Variants in GALNT2 observed in about 807,000 individuals in gnomAD.
GALNT2 encodes the protein polypeptide N-acetylgalactosaminyltransferase 2.
In GALNT2, 31 loss-of-function variants were observed where a neutral mutation model predicts 81.4. The ratio of observed to expected loss-of-function variants is 0.38; its 90% CI spans 0.29 to 0.51. GALNT2 has a LOEUF of 0.51. GALNT2 is among the 20% of genes least tolerant of loss of function. GALNT2 has a pLI of 0.87. For synonymous variants in GALNT2, 303 were observed against 287.4 expected, an observed-to-expected ratio of 1.05 and a Z score of -0.55; for missense variants, 629 against 765.7, an observed-to-expected ratio of 0.82 and a Z score of 2.11.
intron 1 of GALNT2, among the ~76,000 whole-genome samples, chr1:230,171,128 G>A (rs910767749): frequency 6.6e-6 from 1 of 152,192 alleles, no homozygotes; most frequent in East Asian, 1.9e-4. Flanking sequence ...CTGGTGGAAC[G>A]CCAACCTTGA....
Position 230,136,898 on chromosome 1 carries a change from C to T in GALNT2, c.127-41320C>T, listed in dbSNP as rs371403502. On this transcript the variant is annotated intron_variant, in intron 1 of 15. Transcript: ENST00000366672. ...GGCCGTCTGTGCATTTTGCTTTTCC[C>T]GCAGTTCAGCCGGGACTCTGCTTCA... Among the ~76,000 whole-genome samples, 52 of 152,322 alleles carry T rather than the reference C, an allele frequency of 3.4e-4. No homozygotes were observed. In the East Asian group the frequency reaches 5.2e-3, roughly 15 times the overall value.
intron 14 of GALNT2, among the ~76,000 whole-genome samples, chr1:230,267,164 T>G (rs1400842606): frequency 6.6e-6 from 1 of 152,262 alleles, no homozygotes; most frequent in Non-Finnish European, 1.5e-5. Flanking sequence ...GCAGAGCTTG[T>G]TTTGCTCTCT....
intron 1 of GALNT2, among the ~76,000 whole-genome samples, chr1:230,090,916 A>G (rs2102765738): frequency 6.6e-6 from 1 of 152,260 alleles, no homozygotes; most frequent in Admixed American, 6.5e-5. Context: ...AGTTCCATCT[A>G]GGAGTTATCA....
intron 1 of GALNT2, among the ~76,000 whole-genome samples, chr1:230,162,057 C>G (rs1490987445): frequency 6.6e-6 from 1 of 152,086 alleles, no homozygotes; most frequent in Non-Finnish European, 1.5e-5. Context: ...TTGGCGCTTC[C>G]AGTTCATTGG....
intron 1 of GALNT2, among the ~76,000 whole-genome samples, chr1:230,069,318 A>G (rs1047050578): frequency 2.0e-4 from 30 of 150,982 alleles, no homozygotes. Context: ...CCTGGTGGCA[A>G]TATAGACAGG....
chr1:230,142,648 G>C (rs537957453), intron 1 of GALNT2, among the ~76,000 whole-genome samples: 97 of 152,234 alleles, frequency 6.4e-4, no homozygotes, highest in Non-Finnish European at 8.2e-4. Flanking sequence ...GTAAAAATAC[G>C]CCTGTGCTTT....
At position 230,281,269 on chromosome 1, in the gene GALNT2, T is replaced by A. The variant is rs1666434697; in HGVS notation, c.*1811T>A. On this transcript the variant is annotated 3_prime_UTR_variant, in exon 16 of 16. Coordinates refer to ENST00000366672, the MANE Select transcript of GALNT2 (RefSeq NM_004481.5). Reference sequence around the variant, plus strand: ...CCTGGCTGGAGGGCTGCCCTATAGGTCTTCTCTTCCCGCCTCCCCTGCCAT... The same window carrying A: ...CCTGGCTGGAGGGCTGCCCTATAGGACTTCTCTTCCCGCCTCCCCTGCCAT... 1 of 152,294 alleles carries A rather than the reference T, an allele frequency of 6.6e-6. No homozygotes were observed. Among genetic ancestry groups the A allele is most frequent in the Non-Finnish European group, 1.5e-5 (1 of 68,266 alleles). 9.4% of individuals were successfully genotyped at this position (152,294 alleles called of 1,614,324 possible). A position where few individuals can be genotyped will look rare whatever the true frequency, so the allele number is the denominator to read the frequency against.
chr1:230,244,735 C>T (rs1284101119), intron 7 of GALNT2, among the ~76,000 whole-genome samples: 1 of 152,186 alleles, frequency 6.6e-6, no homozygotes, highest in Admixed American at 6.5e-5. Context: ...AACTCATACA[C>T]CTAGAACCAG....
At chr1:230,100,155 A>G (rs868253812) in intron 1 of GALNT2, among the ~76,000 whole-genome samples, 5 of 152,208 alleles carry the variant, frequency 3.3e-5, no homozygotes, top group Admixed American at 1.3e-4. Flanking sequence ...CTGTGACTCC[A>G]GGTAGCTTGC....
chr1:230,279,214 A>G lies in GALNT2; in HGVS notation c.1561-89A>G, dbSNP rs985049428. The stretch of plus-strand genomic sequence containing the variant: ...AAACGTGTCTATCTGTGAGTTTTTA[A>G]TGCAGCCACAAGGTCCTGAATTCAC... On this transcript the variant is annotated intron_variant, in intron 15 of 15. Coordinates refer to ENST00000366672, the MANE Select transcript of GALNT2 (RefSeq NM_004481.5). The surrounding 1 kb of genome is among the most constrained non-coding windows in gnomAD (Gnocchi z 4.6). 4.3e-6 allele frequency: 6 copies of G among 1,395,320 alleles called. No homozygotes were observed. The highest frequency in any genetic ancestry group is 2.2e-5 in the Admixed American group (1 of 45,188). 86.4% of individuals were successfully genotyped at this position (1,395,320 alleles called of 1,614,324 possible).
chr1:230,229,604 C>T (rs1045710508), intron 3 of GALNT2, among the ~76,000 whole-genome samples: 1 of 152,122 alleles, frequency 6.6e-6, no homozygotes, highest in Non-Finnish European at 1.5e-5. Context: ...ACTTTCTCTG[C>T]TGTGTAAAAA....
chr1:230,075,186 C>T (rs904067670), intron 1 of GALNT2, among the ~76,000 whole-genome samples: 5 of 129,350 alleles, frequency 3.9e-5, no homozygotes, highest in Admixed American at 1.1e-4. Context: ...AGTGCAGTGG[C>T]ACAATCTCGG....
intron 1 of GALNT2, among the ~76,000 whole-genome samples, chr1:230,086,037 G>T (rs1027735059): frequency 6.6e-6 from 1 of 152,214 alleles, no homozygotes; most frequent in Non-Finnish European, 1.5e-5. Flanking sequence ...GTTAAGGAAC[G>T]AACTCGGGTT....
rs780690390 is a variant in GALNT2 at position 230,274,511 on chromosome 1, G to A, written c.1507G>A (p.Ala503Thr). The A allele has an allele frequency of 5.0e-6, 8 of 1,614,034 alleles. No homozygotes were observed. The highest frequency in any genetic ancestry group is 6.8e-6 in the Non-Finnish European group (8 of 1,179,914). The change falls in exon 15 of 16, where the codon GCA becomes ACA. Residue 503 changes from alanine (A) to threonine (T), a missense_variant. Ala to Thr is a moderately conservative substitution (Grantham distance 58, BLOSUM62 0). This residue lies in a region of GALNT2 where 207 missense variants were observed against 225.5 expected (regional missense o/e 0.92). Coordinates refer to ENST00000366672, the MANE Select transcript of GALNT2 (RefSeq NM_004481.5). ...MDLCLTVVDR[A>T]PGSLIKLQGC... The stretch of plus-strand genomic sequence containing the variant: ...TTTGTGCCTTACTGTGGTGGACCGG[G>A]CACCGGGCTCTCTTATAAAGCTGCA...
At chr1:230,183,456 A>T (rs569269537) in intron 2 of GALNT2, among the ~76,000 whole-genome samples, 1 of 152,300 alleles carries the variant, frequency 6.6e-6, no homozygotes, top group African/African-American at 2.4e-5. Flanking sequence ...TCTTAAAAAA[A>T]AATTAGTTGG....
intron 1 of GALNT2, among the ~76,000 whole-genome samples, chr1:230,069,260 TG>T (rs1659299789): frequency 1.4e-5 from 2 of 144,930 alleles, no homozygotes; most frequent in Non-Finnish European, 2.9e-5. Flanking sequence ...ATTCTTAGTT[TG>T]TTTTTTTTTG....
At position 230,280,143 on chromosome 1, in the gene GALNT2, C is replaced by T. The variant is rs1038875389; in HGVS notation, c.*685C>T. ...TCATCTTGTATATTCCCCACAAAGC[C>T]GTTCGCAGCTTCCGGGAGAAGGGGC... On this transcript the variant is annotated 3_prime_UTR_variant, in exon 16 of 16. Coordinates refer to ENST00000366672, the MANE Select transcript of GALNT2 (RefSeq NM_004481.5). The T allele has an allele frequency of 9.6e-5, 37 of 385,204 alleles. No individual in the cohort carries two copies. The highest frequency in any genetic ancestry group is 3.9e-4 in the South Asian group (20 of 51,654). 23.9% of individuals were successfully genotyped at this position (385,204 alleles called of 1,614,324 possible). A position where few individuals can be genotyped will look rare whatever the true frequency, so the allele number is the denominator to read the frequency against.
chr1:230,251,688 TG>T (rs890518196), intron 10 of GALNT2, among the ~76,000 whole-genome samples: 1 of 152,228 alleles, frequency 6.6e-6, no homozygotes, highest in Non-Finnish European at 1.5e-5. Context: ...CCCTGTTCCA[TG>T]GGTATCCCCT....
intron 3 of GALNT2, among the ~76,000 whole-genome samples, chr1:230,215,249 A>G (rs2102717265): frequency 6.6e-6 from 1 of 152,318 alleles, no homozygotes; most frequent in African/African-American, 2.4e-5. Flanking sequence ...ACAGCTCCAC[A>G]GCACCTCCAG....
Sources: allele counts gnomAD v4.1 joint callset (sites outside exome capture counted in the v4.1 genomes callset), GRCh38; gene constraint gnomAD v4.1.1; regional missense constraint gnomAD v4.1.1; non-coding constraint Gnocchi (gnomAD v3.1); transcripts MANE v1.5; gene names NCBI Gene and HGNC (gene_info 2026-07-23, HGNC 2026-07-21).